Variants in E2F7 observed in about 807,000 individuals in gnomAD.
E2F7 encodes the protein transcription factor E2F7.
Under a neutral mutation model 81.1 loss-of-function variants are expected in E2F7, and 35 were observed. The ratio of observed to expected loss-of-function variants is 0.43; its 90% CI spans 0.33 to 0.57. The LOEUF is 0.57. Among genes scored for constraint, E2F7 ranks in the 20% least tolerant of loss-of-function variants. The pLI, the probability that E2F7 is intolerant of heterozygous loss-of-function variation, is 0.04. For missense variants in E2F7, 961 were observed against 1,093.7 expected (o/e 0.88, Z 1.71); for synonymous variants, 416 against 416.2 (o/e 1.00, Z 0.01).
chr12:77,033,759 C>T (rs1592556518), intron 8 of E2F7, 98 bp downstream of exon 8: 2 of 1,236,550 alleles, frequency 1.6e-6, no homozygotes, highest in African/African-American at 3.1e-5. Context: ...GGCTGAGAGT[C>T]AGTTTGTTTT....
rs115073535 is a variant in E2F7, at chr12:77,035,482, T to A, written c.1124-1440A>T. On this transcript the variant is annotated intron_variant, in intron 7 of 12. Transcript: ENST00000322886. ...AACCTCCTAATTCAGGAGGCATTTG[T>A]TAGTGTACTAAAAAGGGTGTTGCCC... Among the ~76,000 whole-genome samples, 472 of 152,280 alleles carry A rather than the reference T, an allele frequency of 3.1e-3. 2 individuals carry two copies. The highest frequency in any genetic ancestry group is 0.011 in the African/African-American group (459 of 41,572).
chr12:77,045,981 A>G, intron 5 of E2F7, 57 bp downstream of exon 5: 1 of 1,570,944 alleles, frequency 6.4e-7, no homozygotes, highest in East Asian at 2.2e-5. Context: ...GAATCTGCAG[A>G]AGAGACCATC....
At chr12:77,028,196 CTCT>C in intron 10 of E2F7, 58 bp from the exon 11 acceptor site, 2 of 1,318,510 alleles carry the variant, frequency 1.5e-6, no homozygotes, top group Non-Finnish European at 2.0e-6. Context: ...TAGTAAATCT[CTCT>C]TTTTTTTTTT....
At chr12:77,062,665 A>AG (rs1179075797) in intron 2 of E2F7, among the ~76,000 whole-genome samples, 1 of 152,194 alleles carries the variant, frequency 6.6e-6, no homozygotes, top group African/African-American at 2.4e-5. Flanking sequence ...ATGCTAGAGG[A>AG]GAAGGGTCTT....
chr12:77,034,982 G>A (rs890990484), intron 7 of E2F7, among the ~76,000 whole-genome samples: 1 of 152,236 alleles, frequency 6.6e-6, no homozygotes, highest in African/African-American at 2.4e-5. Context: ...GTCAGTAATA[G>A]GGGCCATATC....
Position 77,034,023 on chromosome 12 carries a change from A to C in E2F7, c.1143T>G (p.Val381=). Reference sequence around the variant, plus strand: ...TCAATTCTGGTAAGACAGATGCAGAAACATCCACCAGTTCTTCATCTACAT... The same window carrying C: ...TCAATTCTGGTAAGACAGATGCAGACACATCCACCAGTTCTTCATCTACAT... The part of the protein sequence containing the change: ...FSSSDEELVD[V]SASVLPELKR... Residue 381 remains valine, a synonymous_variant, in exon 8 of 13, where the codon GTT becomes GTG. Coordinates refer to ENST00000322886, the MANE Select transcript of E2F7 (RefSeq NM_203394.3). The C allele has an allele frequency of 6.2e-7, 1 of 1,613,042 alleles. No homozygotes were observed. Among genetic ancestry groups the C allele is most frequent in the Non-Finnish European group, 8.5e-7 (1 of 1,179,608 alleles).
chr12:77,061,316 T>C (rs1955077067), intron 2 of E2F7, among the ~76,000 whole-genome samples: 1 of 152,148 alleles, frequency 6.6e-6, no homozygotes, highest in African/African-American at 2.4e-5. Context: ...ACCTTCATTC[T>C]CACCCACTCC....
chr12:77,022,396 A>G lies in E2F7; in HGVS notation c.*1619T>C, dbSNP rs904761900. The stretch of plus-strand genomic sequence containing the variant: ...GATAAAAATTTTTATATAAGTAGCA[A>G]ATTTATTTAATGTAGCTACCTACCT... On this transcript the variant is annotated 3_prime_UTR_variant, in exon 13 of 13. Coordinates refer to ENST00000322886, the MANE Select transcript of E2F7 (RefSeq NM_203394.3). The G allele has an allele frequency of 1.3e-5, 2 of 152,438 alleles. No individual in the cohort carries two copies. Among genetic ancestry groups the G allele is most frequent in the Non-Finnish European group, 2.9e-5 (2 of 68,004 alleles). 9.4% of individuals were successfully genotyped at this position (152,438 alleles called of 1,614,324 possible).
chr12:77,057,474 T>G (rs1278142817), intron 2 of E2F7, among the ~76,000 whole-genome samples: 1 of 152,150 alleles, frequency 6.6e-6, no homozygotes, highest in African/African-American at 2.4e-5. Context: ...CCTCTCAAAG[T>G]GCTAGGATTA....
intron 2 of E2F7, among the ~76,000 whole-genome samples, chr12:77,062,664 G>A (rs1045573143): frequency 1.3e-5 from 2 of 152,182 alleles, no homozygotes; most frequent in Non-Finnish European, 2.9e-5. Flanking sequence ...GATGCTAGAG[G>A]AGAAGGGTCT....
In E2F7 at chr12:77,033,927, T is replaced by C; in HGVS notation, c.1239A>G (p.Thr413=). The C allele has an allele frequency of 6.2e-7, 1 of 1,614,216 alleles. No individual in the cohort carries two copies. Among genetic ancestry groups the C allele is most frequent in the Non-Finnish European group, 8.5e-7 (1 of 1,180,018 alleles). ...TCTGGATCCTCTCAGAAGCCTGAAC[T>C]GTGTTAAAAGAACCATGGCGAGCCA... ...QKLARHGSFN[T]VQASERIQRK... Residue 413 remains threonine (T), a synonymous_variant, in exon 8 of 13, where the codon ACA becomes ACG. Coordinates refer to ENST00000322886, the MANE Select transcript of E2F7 (RefSeq NM_203394.3).
chr12:77,052,506 A>G lies in E2F7; in HGVS notation c.370-1762T>C, dbSNP rs191901801. Reference sequence around the variant, plus strand: ...GGGACAACTGATGATATGTATAGAAAAGCAAAGTTGTATCTTGACTCATAC... The same window carrying G: ...GGGACAACTGATGATATGTATAGAAGAGCAAAGTTGTATCTTGACTCATAC... On this transcript the variant is annotated intron_variant, in intron 3 of 12. Transcript: ENST00000322886. Among the ~76,000 whole-genome samples, 356 of 152,288 alleles carry G rather than the reference A, an allele frequency of 2.3e-3. 7 individuals are homozygous for G. Among genetic ancestry groups the G allele is most frequent in the Non-Finnish European group, 8.4e-4 (57 of 68,014 alleles).
Position 77,056,008 on chromosome 12 carries a change from AAAC to A in E2F7, c.213_215del (p.Lys71_Phe72delinsAsn). The A allele has an allele frequency of 6.2e-7, 1 of 1,614,190 alleles. No individual in the cohort carries two copies. Among genetic ancestry groups the A allele is most frequent in the Non-Finnish European group, 8.5e-7 (1 of 1,180,028 alleles). ...ATGGTTCCGCTTGCTGTCTGTCAAC[AAAC>A]TTAACTGGAGTAATGGGATTTCTTT... On this transcript the variant is annotated inframe_deletion, in exon 3 of 13. Coordinates refer to ENST00000322886, the MANE Select transcript of E2F7 (RefSeq NM_203394.3).
chr12:77,046,460 C>G, intron 4 of E2F7, 132 bp from the exon 5 acceptor site: 9 of 919,192 alleles, frequency 9.8e-6, no homozygotes, highest in Non-Finnish European at 1.4e-5. Flanking sequence ...CGTGGATGCT[C>G]AAGGAATTCA....
intron 6 of E2F7, 115 bp from the exon 7 acceptor site, chr12:77,043,314 G>A: frequency 2.8e-6 from 4 of 1,417,632 alleles, no homozygotes. Context: ...GAAAGCAGCA[G>A]GTTGGGATGA....
chr12:77,059,960 CAAAAAAAAAAA>C (rs59663589), intron 2 of E2F7, among the ~76,000 whole-genome samples: 1 of 77,222 alleles, frequency 1.3e-5, no homozygotes, highest in Admixed American at 1.5e-4. Flanking sequence ...GATTCTGTCT[CAAAAAAAAAAA>C]AAAAAAAAAA....
chr12:77,064,777 T>C (rs1955104409), intron 1 of E2F7, 142 bp from the exon 2 acceptor site: 3 of 654,210 alleles, frequency 4.6e-6, no homozygotes, highest in South Asian at 4.3e-5. Context: ...CCAGGAGTTG[T>C]AGCCACCCTC....
chr12:77,042,692 T>C (rs1207083235), intron 7 of E2F7, among the ~76,000 whole-genome samples: 1 of 152,220 alleles, frequency 6.6e-6, no homozygotes, highest in Non-Finnish European at 1.5e-5. Context: ...AGTTTTTACA[T>C]TATGTAGAAT....
At chr12:77,038,290 G>A (rs1236292805) in intron 7 of E2F7, among the ~76,000 whole-genome samples, 1 of 152,080 alleles carries the variant, frequency 6.6e-6, no homozygotes, top group African/African-American at 2.4e-5. Flanking sequence ...GACATTTATA[G>A]AACGTTCCAC....
Sources: allele counts gnomAD v4.1 joint callset (sites outside exome capture counted in the v4.1 genomes callset), GRCh38; gene constraint gnomAD v4.1.1; transcripts MANE v1.5; gene names NCBI Gene and HGNC (gene_info 2026-07-23, HGNC 2026-07-21).